Variants in PDZD2 observed in about 807,000 individuals in gnomAD.
PDZD2 encodes the protein PDZ domain containing 2, also known as PDZ domain-containing protein 2.
Under a neutral mutation model 220.7 loss-of-function variants are expected in PDZD2, and 90 were observed. The ratio of observed to expected loss-of-function variants is 0.41; its 90% CI spans 0.34 to 0.49. The LOEUF (loss-of-function observed/expected upper bound fraction) is 0.49. PDZD2 is among the 20% of genes least tolerant of loss of function. The pLI is 0.28. For synonymous variants in PDZD2, 1,375 were observed against 1,450.5 expected, an observed-to-expected ratio of 0.95 and a Z score of 1.18; for missense variants, 3,174 against 3,608.5, an observed-to-expected ratio of 0.88 and a Z score of 3.08.
intron 3 of PDZD2, among the ~76,000 whole-genome samples, chr5:31,993,566 A>G (rs1751401968): frequency 6.6e-6 from 1 of 152,216 alleles, no homozygotes; most frequent in Non-Finnish European, 1.5e-5. Flanking sequence ...CTTTGCAAGC[A>G]GCTTGAACAG....
chr5:32,089,937 C>T lies in PDZD2; in HGVS notation c.6489C>T (p.Ser2163=). 6.2e-7 allele frequency: 1 copy of T among 1,610,074 alleles called. No homozygotes were observed. ...AGCAGGAAATGTCACGATCATTCAG[C>T]ATGGCAAAACTGGCGTCCTCCTCCT... ...QAEQEMSRSF[S]MAKLASSSSS... Residue 2163 remains serine, a synonymous_variant, in exon 20 of 25, where the codon AGC becomes AGT. Coordinates refer to ENST00000438447, the MANE Select transcript of PDZD2 (RefSeq NM_178140.4).
intron 3 of PDZD2, among the ~76,000 whole-genome samples, chr5:31,985,905 G>A (rs909897922): frequency 8.6e-5 from 13 of 151,322 alleles, no homozygotes; most frequent in African/African-American, 2.2e-4. Flanking sequence ...GAGAAACCCC[G>A]TCTCTACTAA....
chr5:31,842,564 G>A (rs1019078277), intron 2 of PDZD2, among the ~76,000 whole-genome samples: 2 of 152,238 alleles, frequency 1.3e-5, no homozygotes, highest in Middle Eastern at 3.2e-3. Context: ...GCTAGGCAGG[G>A]AAGGCCCCTG....
At chr5:31,699,568 GC>G (rs1223453461) in intron 1 of PDZD2, among the ~76,000 whole-genome samples, 1 of 151,956 alleles carries the variant, frequency 6.6e-6, no homozygotes, top group East Asian at 1.9e-4. Context: ...GGGCAACATG[GC>G]AAAACCCCAT....
chr5:31,803,258 T>C (rs1364834605), intron 2 of PDZD2, among the ~76,000 whole-genome samples: 3 of 138,016 alleles, frequency 2.2e-5, no homozygotes, highest in African/African-American at 8.5e-5. Context: ...CCACTGCATC[T>C]GGCTTTTTTT....
chr5:32,036,908 A>C (rs1350252456), intron 6 of PDZD2, among the ~76,000 whole-genome samples: 1 of 152,206 alleles, frequency 6.6e-6, no homozygotes, highest in Admixed American at 6.5e-5. Flanking sequence ...ACTGACCAAC[A>C]AGTGTCCTCA....
chr5:31,818,695 A>G (rs917010292), intron 2 of PDZD2, among the ~76,000 whole-genome samples: 6 of 152,038 alleles, frequency 3.9e-5, no homozygotes, highest in Non-Finnish European at 8.8e-5. Context: ...TCTATCACTT[A>G]ATTCCTCAGA....
At chr5:31,676,264 C>A (rs1678910) in intron 1 of PDZD2, among the ~76,000 whole-genome samples, 31,223 of 152,092 alleles carry the variant, frequency 0.21, 3,523 homozygotes, top group African/African-American at 0.3. Flanking sequence ...ACAAAAGTGT[C>A]CAGTATGATC....
intron 1 of PDZD2, among the ~76,000 whole-genome samples, chr5:31,740,195 C>A (rs1172613235): frequency 6.6e-6 from 1 of 152,096 alleles, no homozygotes; most frequent in Non-Finnish European, 1.5e-5. Context: ...GCTTCAGGAT[C>A]TTGATCCTAC....
intron 2 of PDZD2, among the ~76,000 whole-genome samples, chr5:31,866,845 C>A (rs1249166333): frequency 6.6e-6 from 1 of 152,236 alleles, no homozygotes; most frequent in Non-Finnish European, 1.5e-5. Context: ...ACAGGCAACA[C>A]ACTGCTAGCA....
chr5:31,768,133 G>C (rs1195378993), intron 1 of PDZD2, among the ~76,000 whole-genome samples: 1 of 152,118 alleles, frequency 6.6e-6, no homozygotes, highest in Non-Finnish European at 1.5e-5. Context: ...TCTCCAGTGA[G>C]GTGGGGTAGG....
At chr5:31,893,519 G>C (rs1305501418) in intron 2 of PDZD2, among the ~76,000 whole-genome samples, 2 of 152,176 alleles carry the variant, frequency 1.3e-5, no homozygotes, top group Non-Finnish European at 2.9e-5. Context: ...ACAGTGAGCT[G>C]AGATTGCATC....
At chr5:31,662,290 G>A (rs1745799694) in intron 1 of PDZD2, among the ~76,000 whole-genome samples, 1 of 152,032 alleles carries the variant, frequency 6.6e-6, no homozygotes, top group Non-Finnish European at 1.5e-5. Flanking sequence ...TAGCCTGGGC[G>A]ACAAGGATGA....
intron 6 of PDZD2, among the ~76,000 whole-genome samples, chr5:32,019,420 A>G (rs1229561808): frequency 6.6e-6 from 1 of 152,236 alleles, no homozygotes; most frequent in Non-Finnish European, 1.5e-5. Context: ...CTGGGATTGC[A>G]GGCGTGAGCC....
intron 2 of PDZD2, among the ~76,000 whole-genome samples, chr5:31,899,356 C>T (rs1302551049): frequency 6.6e-6 from 1 of 152,098 alleles, no homozygotes. Flanking sequence ...TGGTCTCGAA[C>T]GCCTGACCGC....
intron 2 of PDZD2, among the ~76,000 whole-genome samples, chr5:31,822,075 T>G (rs926195736): frequency 6.6e-6 from 1 of 152,218 alleles, no homozygotes; most frequent in African/African-American, 2.4e-5. Flanking sequence ...GTGCCACATT[T>G]TCTTTATCCA....
intron 2 of PDZD2, among the ~76,000 whole-genome samples, chr5:31,923,825 A>G (rs1744506979): frequency 6.6e-6 from 1 of 152,250 alleles, no homozygotes; most frequent in Non-Finnish European, 1.5e-5. Flanking sequence ...GGACAAGCAC[A>G]ACATCAGTGA....
intron 2 of PDZD2, among the ~76,000 whole-genome samples, chr5:31,911,354 A>G (rs924417929): frequency 1.3e-5 from 2 of 152,250 alleles, no homozygotes; most frequent in Non-Finnish European, 2.9e-5. Flanking sequence ...GTCCAGCACA[A>G]TACAGAGCCT....
intron 5 of PDZD2, 52 bp from the exon 6 acceptor site, chr5:32,010,278 G>C: frequency 7.0e-7 from 1 of 1,428,122 alleles, no homozygotes; most frequent in Admixed American, 1.9e-5. Context: ...TTCAAGAACT[G>C]CTTGGTTCTG....
Sources: gnomAD v4.1 joint callset for allele counts (sites outside exome capture counted in the v4.1 genomes callset) on GRCh38, gnomAD v4.1.1 for gene constraint, MANE v1.5 for transcripts, NCBI Gene and HGNC (gene_info 2026-07-23, HGNC 2026-07-21) for gene names.